CGNL1: variants seen among roughly 807,000 people sequenced by gnomAD.
CGNL1 encodes the protein cingulin-like protein 1.
A neutral mutation model predicts 141.2 loss-of-function variants in CGNL1; 132 were observed. That is an observed-to-expected ratio of 0.93 (90% CI 0.81 to 1.08). CGNL1 has a LOEUF of 1.08. CGNL1 is among the 50% of genes least tolerant of loss of function. The pLI is 0.00. For synonymous variants in CGNL1, 690 were observed against 622.1 expected, an observed-to-expected ratio of 1.11 and a Z score of -1.63; for missense variants, 1,870 against 1,588.6, an observed-to-expected ratio of 1.18 and a Z score of -3.01.
Position 57,543,706 on chromosome 15 carries a change from T to C in CGNL1, c.3302T>C (p.Leu1101Ser). 1 of 1,613,702 alleles carries C rather than the reference T, an allele frequency of 6.2e-7. No homozygotes were observed. The highest frequency in any genetic ancestry group is 8.5e-7 in the Non-Finnish European group (1 of 1,179,720). The change falls in exon 15 of 19, where the codon TTG becomes TCG. Residue 1101 changes from leucine to serine, a missense_variant. Coordinates refer to ENST00000281282, the MANE Select transcript of CGNL1 (RefSeq NM_032866.5). ...ISRSREQMEQLRNELLQERAA... is the reference protein window; with the variant it reads ...ISRSREQMEQSRNELLQERAA... ...TTCTGCTTGCTGTAGATGGAGCAGT[T>C]GAGGAATGAGCTACTTCAGGAGAGA...
At chr15:57,470,782 C>CA (rs563916381) in intron 8 of CGNL1, among the ~76,000 whole-genome samples, 135 of 152,174 alleles carry the variant, frequency 8.9e-4, no homozygotes, top group African/African-American at 3.1e-3. Flanking sequence ...AGTAAAATGA[C>CA]AAAGTTATGG....
intron 7 of CGNL1, among the ~76,000 whole-genome samples, chr15:57,454,270 A>G (rs904399397): frequency 6.6e-6 from 1 of 152,212 alleles, no homozygotes; most frequent in South Asian, 2.1e-4. Context: ...TTGTAGGAAT[A>G]GCCCAACAAA....
intron 16 of CGNL1, 39 bp from the exon 17 acceptor site, chr15:57,545,553 G>A (rs1394235287): frequency 6.4e-7 from 1 of 1,572,564 alleles, no homozygotes; most frequent in Middle Eastern, 1.7e-4. Context: ...TGCAGGGATG[G>A]GAGTGAGAGG....
In CGNL1 at chr15:57,518,499, TA is replaced by T; in HGVS notation, c.2715+5del. The T allele has an allele frequency of 6.3e-7, 1 of 1,599,374 alleles. No homozygotes were observed. The highest frequency in any genetic ancestry group is 8.5e-7 in the Non-Finnish European group (1 of 1,169,706). On this transcript the variant is annotated splice_donor_region_variant and intron_variant, in intron 10 of 18. Coordinates refer to ENST00000281282, the MANE Select transcript of CGNL1 (RefSeq NM_032866.5). The stretch of plus-strand genomic sequence containing the variant: ...GAGAATGAACTGGAGGCTGCTCAGG[TA>T]AACACCAAGGGCTGTTGTCATTACT...
intron 10 of CGNL1, 29 bp downstream of exon 10, chr15:57,518,526 C>A: frequency 6.7e-7 from 1 of 1,484,672 alleles, no homozygotes; most frequent in Admixed American, 1.8e-5. Flanking sequence ...TGTCATTACT[C>A]CCTCAAGAAG....
intron 1 of CGNL1, among the ~76,000 whole-genome samples, chr15:57,390,309 A>G (rs2062528408): frequency 6.6e-6 from 1 of 152,224 alleles, no homozygotes; most frequent in Non-Finnish European, 1.5e-5. Context: ...ATGCAGGGCC[A>G]GCTTGCCTTG....
Position 57,518,429 on chromosome 15 carries a change from G to A in CGNL1, c.2647G>A (p.Ala883Thr), listed in dbSNP as rs758801490. 98 of 1,613,354 alleles carry A rather than the reference G, an allele frequency of 6.1e-5. No homozygotes were observed. The highest frequency in any genetic ancestry group is 8.3e-5 in the Admixed American group (5 of 59,926). ...ACAGTTAGAGGAGGCCCTTGTGCAC[G>A]CCAGAAAGGAAGAAAAAGAAGCTGT... Reference protein sequence around the residue: ...IRQLEEALVHARKEEKEAVSA... With the variant: ...IRQLEEALVHTRKEEKEAVSA... The change falls in exon 10 of 19, where the codon GCC (alanine) becomes ACC (threonine). Residue 883 changes from alanine (A) to threonine (T), a missense_variant. Coordinates refer to ENST00000281282, the MANE Select transcript of CGNL1 (RefSeq NM_032866.5).
intron 1 of CGNL1, among the ~76,000 whole-genome samples, chr15:57,422,849 A>G (rs1249588143): frequency 2.0e-5 from 3 of 152,338 alleles, no homozygotes; most frequent in East Asian, 3.9e-4. Flanking sequence ...ATCCCAGAGC[A>G]GAGGTTTGGG....
Position 57,451,557 on chromosome 15 carries a change from A to G in CGNL1, c.1861A>G (p.Ile621Val). ...DLLEQKSKLTIEVAELQRQLQ... is the reference protein window; with the variant it reads ...DLLEQKSKLTVEVAELQRQLQ... ...ATTGGAACAGAAAAGCAAGTTGACC[A>G]TAGAAGTGGCTGAACTTCAGAGACA... Residue 621 changes from isoleucine (I) to valine (V), a missense_variant, in exon 5 of 19, where the codon ATA becomes GTA. Coordinates refer to ENST00000281282, the MANE Select transcript of CGNL1 (RefSeq NM_032866.5). 2.5e-6 allele frequency: 4 copies of G among 1,612,908 alleles called. No individual in the cohort carries two copies. Among genetic ancestry groups the G allele is most frequent in the Non-Finnish European group, 3.4e-6 (4 of 1,179,366 alleles).
At chr15:57,406,764 G>T (rs1511954) in intron 1 of CGNL1, among the ~76,000 whole-genome samples, 53,153 of 152,044 alleles carry the variant, frequency 0.35, 9,471 homozygotes, top group Middle Eastern at 0.42. Context: ...CAGAAAATTT[G>T]TAGTGAGTGT....
At chr15:57,466,445 A>C (rs1277877505) in intron 8 of CGNL1, among the ~76,000 whole-genome samples, 1 of 152,156 alleles carries the variant, frequency 6.6e-6, no homozygotes, top group African/African-American at 2.4e-5. Flanking sequence ...CAGACAGTAT[A>C]GTTTCTTGAA....
chr15:57,474,636 A>G (rs1188018025), intron 8 of CGNL1, among the ~76,000 whole-genome samples: 3 of 152,184 alleles, frequency 2.0e-5, no homozygotes, highest in Non-Finnish European at 2.9e-5. Flanking sequence ...GAATTCTCCT[A>G]GTCTTTCTCT....
At chr15:57,443,604 G>A (rs1035183965) in intron 4 of CGNL1, among the ~76,000 whole-genome samples, 2 of 152,192 alleles carry the variant, frequency 1.3e-5, no homozygotes, top group Non-Finnish European at 2.9e-5. Flanking sequence ...GACTGCTGCT[G>A]TGGCCTCAAA....
chr15:57,518,293 C>T, intron 9 of CGNL1, 100 bp from the exon 10 acceptor site: 1 of 833,670 alleles, frequency 1.2e-6, no homozygotes, highest in Non-Finnish European at 2.0e-6. Context: ...TAGCCACTGC[C>T]ATATCTATGG....
intron 8 of CGNL1, among the ~76,000 whole-genome samples, chr15:57,510,682 A>G (rs2030208997): frequency 1.3e-5 from 2 of 152,212 alleles, no homozygotes; most frequent in African/African-American, 4.8e-5. Flanking sequence ...CAAGCCTTGA[A>G]AGCAGTTCTT....
At chr15:57,513,087 C>G (rs1191997392) in intron 8 of CGNL1, among the ~76,000 whole-genome samples, 2 of 152,060 alleles carry the variant, frequency 1.3e-5, no homozygotes, top group Non-Finnish European at 2.9e-5. Context: ...AATGTTAGAA[C>G]ATTTTCCTAA....
chr15:57,514,263 C>T (rs1310647292), intron 8 of CGNL1, among the ~76,000 whole-genome samples: 6 of 152,108 alleles, frequency 3.9e-5, no homozygotes, highest in African/African-American at 4.8e-5. Context: ...ACAATTCTCT[C>T]GCCTCAGCAT....
chr15:57,515,730 G>A (rs149468177), intron 8 of CGNL1, among the ~76,000 whole-genome samples: 97 of 152,266 alleles, frequency 6.4e-4, no homozygotes, highest in Non-Finnish European at 1.1e-3. Context: ...ATTCCTTTCT[G>A]TTGTGGATTG....
intron 15 of CGNL1, 47 bp downstream of exon 15, chr15:57,543,826 C>T: frequency 1.4e-6 from 2 of 1,421,242 alleles, no homozygotes; most frequent in Middle Eastern, 1.9e-4. Flanking sequence ...ATCCGCTAAC[C>T]CTCCCCCACT....
Sources: allele counts gnomAD v4.1 joint callset (sites outside exome capture counted in the v4.1 genomes callset), GRCh38; gene constraint gnomAD v4.1.1; transcripts MANE v1.5; gene names NCBI Gene and HGNC (gene_info 2026-07-23, HGNC 2026-07-21).